The following FGF13 variants were observed in gnomAD, a reference collection of about 807,000 sequenced individuals.
The protein encoded by FGF13 is fibroblast growth factor homologous factor 2.
Under a neutral mutation model 19.5 loss-of-function variants are expected in FGF13, and 2 were observed. That is an observed-to-expected ratio of 0.10 (90% confidence interval 0.04 to 0.32). The LOEUF is 0.32. Ranked by LOEUF, FGF13 falls within the 10% of genes least tolerant of loss-of-function variation. The probability of loss-of-function intolerance (pLI) is 1.00; values close to 1 mark genes in which losing one functional copy is unlikely to be tolerated. For synonymous variants in FGF13, 72 were observed against 76.9 expected, an observed-to-expected ratio of 0.94 and a Z score of 0.33; for missense variants, 113 against 192.7, an observed-to-expected ratio of 0.59 and a Z score of 2.45.
chrX:139,079,177 T>C (rs963221012), intron 1 of FGF13, among the ~76,000 whole-genome samples: 12 of 111,370 alleles, frequency 1.1e-4, no homozygotes, highest in Admixed American at 9.6e-4. Flanking sequence ...TAGATGGATA[T>C]AGGAGATGAT....
chrX:139,181,110 T>C (rs1192114413), intron 1 of FGF13, among the ~76,000 whole-genome samples: 1 of 112,484 alleles, frequency 8.9e-6, no homozygotes, highest in African/African-American at 3.2e-5. Context: ...AACCTCACAG[T>C]TCCTGCCCTC....
At chrX:138,989,304 G>A (rs938781170) in intron 1 of FGF13, among the ~76,000 whole-genome samples, 5 of 111,568 alleles carry the variant, frequency 4.5e-5, no homozygotes, top group African/African-American at 1.6e-4. Flanking sequence ...AGAATACCAG[G>A]AGGCTATGGC....
chrX:139,058,397 G>A (rs763353919), intron 1 of FGF13, among the ~76,000 whole-genome samples: 9 of 111,813 alleles, frequency 8.0e-5, no homozygotes, highest in Non-Finnish European at 1.3e-4. Flanking sequence ...CCATCTGTCT[G>A]TTCTGTCTGT....
At chrX:138,805,656 A>C (rs1362010581) in intron 3 of FGF13, among the ~76,000 whole-genome samples, 2 of 112,048 alleles carry the variant, frequency 1.8e-5, no homozygotes, top group Non-Finnish European at 3.8e-5. Flanking sequence ...GATATAACCA[A>C]TTCAAAAACA....
chrX:138,663,828 G>T, intron 3 of FGF13, among the ~76,000 whole-genome samples: 2 of 111,616 alleles, frequency 1.8e-5, no homozygotes, highest in Non-Finnish European at 3.8e-5. Flanking sequence ...TATGATAAGA[G>T]AGAGAGGAGG....
At chrX:138,961,996 G>T (rs1459776124) in intron 1 of FGF13, among the ~76,000 whole-genome samples, 1 of 111,809 alleles carries the variant, frequency 8.9e-6, no homozygotes, top group Non-Finnish European at 1.9e-5. Context: ...TGACAAATGG[G>T]ATCTAATTAA....
intron 3 of FGF13, among the ~76,000 whole-genome samples, chrX:138,837,216 G>T (rs1408875389): frequency 8.9e-6 from 1 of 112,240 alleles, no homozygotes; most frequent in Admixed American, 9.4e-5. Context: ...CTGTGCTGGG[G>T]GTCCACTTCA....
intron 1 of FGF13, among the ~76,000 whole-genome samples, chrX:138,935,416 A>G (rs908387078): frequency 1.8e-5 from 2 of 112,184 alleles, no homozygotes; most frequent in African/African-American, 6.5e-5. Flanking sequence ...AAGGGCACTC[A>G]GTAGCTTAAC....
intron 3 of FGF13, among the ~76,000 whole-genome samples, chrX:138,776,361 C>A (rs906568113): frequency 2.7e-5 from 3 of 112,055 alleles, no homozygotes; most frequent in Non-Finnish European, 5.6e-5. Flanking sequence ...CTCGTAAGAA[C>A]CTTACGAGAT....
chrX:138,927,994 A>AG (rs2091682907), intron 1 of FGF13, among the ~76,000 whole-genome samples: 1 of 112,240 alleles, frequency 8.9e-6, no homozygotes, highest in Non-Finnish European at 1.9e-5. Flanking sequence ...CCCCTAAATT[A>AG]GTAAATATTA....
At chrX:138,695,601 C>T (rs962358081) in intron 3 of FGF13, among the ~76,000 whole-genome samples, 3 of 111,559 alleles carry the variant, frequency 2.7e-5, no homozygotes, top group Admixed American at 9.5e-5. Flanking sequence ...AAAGAAAGAA[C>T]AAATGATAAA....
At chrX:139,083,449 C>T (rs186547660) in intron 1 of FGF13, among the ~76,000 whole-genome samples, 17 of 112,062 alleles carry the variant, frequency 1.5e-4, no homozygotes, top group Non-Finnish European at 2.8e-4. Flanking sequence ...GGGAAGTATG[C>T]TTGTCAAGCA....
At chrX:138,969,424 G>A (rs1398274730) in intron 1 of FGF13, among the ~76,000 whole-genome samples, 2 of 111,431 alleles carry the variant, frequency 1.8e-5, no homozygotes, top group African/African-American at 6.5e-5. Flanking sequence ...TCTAGGTTTT[G>A]GATTTATCTG....
At chrX:138,784,330 T>TA (rs772828534) in intron 3 of FGF13, among the ~76,000 whole-genome samples, 144 of 91,931 alleles carry the variant, frequency 1.6e-3, no homozygotes, top group African/African-American at 3.3e-3. Flanking sequence ...AAAAAAAAAT[T>TA]AAAAAAAAAA....
At chrX:139,026,825 C>A in intron 1 of FGF13, among the ~76,000 whole-genome samples, 1 of 111,901 alleles carries the variant, frequency 8.9e-6, no homozygotes, top group East Asian at 2.8e-4. Context: ...CAAACTGTGA[C>A]CCAGCACACC....
At chrX:138,800,434 C>G (rs985927171) in intron 3 of FGF13, among the ~76,000 whole-genome samples, 2 of 111,845 alleles carry the variant, frequency 1.8e-5, no homozygotes, top group African/African-American at 6.5e-5. Flanking sequence ...GGTTTCTGCA[C>G]AGAGATCCGC....
chrX:138,713,822 C>A (rs943632503), upstream of FGF13, among the ~76,000 whole-genome samples: 1 of 111,466 alleles, frequency 9.0e-6, no homozygotes, highest in Admixed American at 9.5e-5. Context: ...ATAAGAATGG[C>A]GGGGGCATTT....
chrX:138,896,246 AT>A (rs1188770359), intron 1 of FGF13, among the ~76,000 whole-genome samples: 1 of 111,679 alleles, frequency 9.0e-6, no homozygotes, highest in Non-Finnish European at 1.9e-5. Context: ...GTGTATATAT[AT>A]TTTTATTTAT....
chrX:138,705,859 T>C (rs1188669409), intron 2 of FGF13, among the ~76,000 whole-genome samples: 1 of 112,758 alleles, frequency 8.9e-6, no homozygotes, highest in East Asian at 2.8e-4. Context: ...ACAGTTGACT[T>C]CATTTATGGA....
Sources: gnomAD v4.1 joint callset for allele counts (sites outside exome capture counted in the v4.1 genomes callset) on GRCh38, gnomAD v4.1.1 for gene constraint, MANE v1.5 for transcripts, NCBI Gene and HGNC (gene_info 2026-07-23, HGNC 2026-07-21) for gene names.